The following PALD1 variants were observed in gnomAD, a reference collection of about 807,000 sequenced individuals.
PALD1 encodes the protein paladin.
PALD1 carries 57 observed loss-of-function variants against 96.0 expected under a neutral mutation model. That is an observed-to-expected ratio of 0.59 (90% CI 0.48 to 0.74). The LOEUF is 0.74. Among genes scored for constraint, PALD1 ranks in the 30% least tolerant of loss-of-function variants. The pLI, the probability that PALD1 is intolerant of heterozygous loss-of-function variation, is 0.00. For synonymous variants in PALD1, 464 were observed against 473.6 expected (o/e 0.98, Z 0.26); for missense variants, 1,063 against 1,143.7 (o/e 0.93, Z 1.02).
At chr10:70,551,046 C>T (rs1189417936) in intron 18 of PALD1, among the ~76,000 whole-genome samples, 1 of 152,144 alleles carries the variant, frequency 6.6e-6, no homozygotes, top group Non-Finnish European at 1.5e-5. Flanking sequence ...GGTTAACCAC[C>T]GTGAGTTGGT....
intron 1 of PALD1, among the ~76,000 whole-genome samples, chr10:70,498,640 G>A (rs563169202): frequency 5.7e-4 from 86 of 150,970 alleles, no homozygotes; most frequent in Middle Eastern, 3.4e-3. Flanking sequence ...GAAAGGTATC[G>A]CACAGACTGG....
At chr10:70,477,685 C>T (rs1482089289), upstream of PALD1, among the ~76,000 whole-genome samples, 2 of 152,182 alleles carry the variant, frequency 1.3e-5, no homozygotes, top group African/African-American at 4.8e-5. Context: ...TCTTAGGGGT[C>T]ATGGGGAATG....
chr10:70,463,804 T>C, the PALD1 span, among the ~76,000 whole-genome samples: 1 of 152,216 alleles, frequency 6.6e-6, no homozygotes, highest in South Asian at 2.1e-4. Context: ...GGAGGCGACA[T>C]TTAAGCAAAG....
At chr10:70,521,680 C>T (rs908285289) in intron 1 of PALD1, among the ~76,000 whole-genome samples, 7 of 128,924 alleles carry the variant, frequency 5.4e-5, no homozygotes, top group African/African-American at 8.4e-5. Context: ...TCCAGGAGCC[C>T]GCCACCATGC....
chr10:70,487,496 T>G (rs1309921142), intron 1 of PALD1, among the ~76,000 whole-genome samples: 1 of 151,986 alleles, frequency 6.6e-6, no homozygotes, highest in Non-Finnish European at 1.5e-5. Flanking sequence ...TTCAATGTTT[T>G]TTTTTTAAAC....
At chr10:70,537,112 CTTT>C (rs1056446962) in intron 10 of PALD1, among the ~76,000 whole-genome samples, 3 of 144,376 alleles carry the variant, frequency 2.1e-5, no homozygotes, top group African/African-American at 2.5e-5. Context: ...GGCTCCAGTT[CTTT>C]TTTTTTTTTT....
At chr10:70,480,382 C>CG (rs1039751858) in intron 1 of PALD1, among the ~76,000 whole-genome samples, 5 of 152,056 alleles carry the variant, frequency 3.3e-5, no homozygotes, top group South Asian at 2.1e-4. Context: ...GCCTCTGTCG[C>CG]GGGGGGTTGG....
In PALD1 at chr10:70,548,575, G is replaced by A. The variant is rs570249985; in HGVS notation, c.2262+1129G>A. Among the ~76,000 whole-genome samples, 38 of 152,318 alleles carry A rather than the reference G, an allele frequency of 2.5e-4. No individual in the cohort carries two copies. The East Asian group carries it at 2.7e-3, about 11-fold the overall frequency. ...AGGCCGGTGCTGAGTGGGAGGGGCAGTGGTGGGAGCCGGTGGGTAGGGGGT... is the reference window on the plus strand; with the variant it reads ...AGGCCGGTGCTGAGTGGGAGGGGCAATGGTGGGAGCCGGTGGGTAGGGGGT... On this transcript the variant is annotated intron_variant, in intron 18 of 19. Coordinates refer to ENST00000263563, the MANE Select transcript of PALD1 (RefSeq NM_014431.3).
At chr10:70,465,808 G>T in the PALD1 span, among the ~76,000 whole-genome samples, 1 of 152,182 alleles carries the variant, frequency 6.6e-6, no homozygotes, top group East Asian at 1.9e-4. Context: ...CAGGATGGAG[G>T]ACAGCAGGGA....
intron 18 of PALD1, among the ~76,000 whole-genome samples, chr10:70,558,199 T>C (rs1019913955): frequency 6.6e-6 from 1 of 152,050 alleles, no homozygotes; most frequent in Non-Finnish European, 1.5e-5. Flanking sequence ...TGTCTTCTCC[T>C]GAGCCTCAGC....
intron 2 of PALD1, among the ~76,000 whole-genome samples, chr10:70,526,516 CTG>C (rs1373105344): frequency 6.6e-6 from 1 of 152,224 alleles, no homozygotes; most frequent in Non-Finnish European, 1.5e-5. Flanking sequence ...TGGCTCAAAA[CTG>C]AGGCTAACAC....
rs542194809 is a variant in PALD1, at chr10:70,567,549, T to C, written c.*816T>C. On this transcript the variant is annotated 3_prime_UTR_variant, in exon 20 of 20. Coordinates refer to ENST00000263563, the MANE Select transcript of PALD1 (RefSeq NM_014431.3). ...GCCTGGAGCTGCAGGTCCCCCGGCA[T>C]CTCTCTCTGTCCCGGCAGCCCAGGA... 53 of 153,000 alleles carry C rather than the reference T, an allele frequency of 3.5e-4. No individual in the cohort carries two copies. The highest frequency in any genetic ancestry group is 5.9e-5 in the Non-Finnish European group (4 of 68,262). The allele number at this position is 153,000 out of a possible 1,614,324, so 9.5% of individuals were successfully genotyped here.
At chr10:70,464,018 C>T in the PALD1 span, among the ~76,000 whole-genome samples, 1 of 152,062 alleles carries the variant, frequency 6.6e-6, no homozygotes, top group African/African-American at 2.4e-5. Context: ...TTCACGCATG[C>T]GTTTGTCCAC....
rs376581675 is a variant in PALD1 at position 70,547,374 on chromosome 10, G to C, written c.2190G>C (p.Leu730=). 8.1e-6 allele frequency: 13 copies of C among 1,612,014 alleles called. No individual in the cohort carries two copies. The African/African-American group carries it at 1.7e-4, about 22-fold the overall frequency. The change falls in exon 18 of 20, where the codon CTG becomes CTC. Residue 730 remains leucine, a synonymous_variant. Transcript: ENST00000263563. Reference sequence around the variant, plus strand: ...TGAAGAAGGAGGTGGACGCAGCGCTGGACACTGTCAGCGAGACCATGACGC... The same window carrying C: ...TGAAGAAGGAGGTGGACGCAGCGCTCGACACTGTCAGCGAGACCATGACGC... ...HRVKKEVDAA[L]DTVSETMTPM...
At chr10:70,470,707 C>A in the PALD1 span, among the ~76,000 whole-genome samples, 1 of 151,520 alleles carries the variant, frequency 6.6e-6, no homozygotes, top group East Asian at 1.9e-4. Context: ...CTCCTGGGTT[C>A]AAGCGATTCT....
chr10:70,487,476 C>T (rs927948304), intron 1 of PALD1, among the ~76,000 whole-genome samples: 4 of 151,886 alleles, frequency 2.6e-5, no homozygotes, highest in African/African-American at 7.3e-5. Context: ...AACATTTCCC[C>T]CTGCCTATCT....
At chr10:70,462,458 A>G in the PALD1 span, among the ~76,000 whole-genome samples, 2 of 152,256 alleles carry the variant, frequency 1.3e-5, no homozygotes, top group Admixed American at 1.3e-4. Flanking sequence ...CCTGGCATGT[A>G]ATCAATGCTC....
At position 70,540,577 on chromosome 10, in the gene PALD1, G is replaced by A. The variant is rs1251975095; in HGVS notation, c.1909-525G>A. Among the ~76,000 whole-genome samples the A allele has an allele frequency of 1.3e-5, 2 of 152,074 alleles. No homozygotes were observed. The highest frequency in any genetic ancestry group is 2.9e-5 in the Non-Finnish European group (2 of 67,980). On this transcript the variant is annotated intron_variant, in intron 15 of 19. Transcript: ENST00000263563. The surrounding 1 kb of genome is among the most constrained non-coding windows in gnomAD (Gnocchi z 4.2). Reference sequence around the variant, plus strand: ...TGTTGTAGGTGGGTCGCTGTGTGCTGTGTAACTGGCAATGGGGTCTGTTAC... The same window carrying A: ...TGTTGTAGGTGGGTCGCTGTGTGCTATGTAACTGGCAATGGGGTCTGTTAC...
chr10:70,566,976 T>C lies in PALD1; in HGVS notation c.*243T>C, dbSNP rs1847868910. On this transcript the variant is annotated 3_prime_UTR_variant, in exon 20 of 20. Transcript: ENST00000263563. ...CTGACCTCCAGGGAGGAGCACTCAC[T>C]GGAGTGCTCACAAGGTGCACACTGC... is the stretch of plus-strand genomic sequence containing the variant. The C allele has an allele frequency of 1.9e-6, 1 of 513,798 alleles. No individual in the cohort carries two copies. Among genetic ancestry groups the C allele is most frequent in the Non-Finnish European group, 3.4e-6 (1 of 290,842 alleles). 31.8% of individuals were successfully genotyped at this position (513,798 alleles called of 1,614,324 possible). A position where few individuals can be genotyped will look rare whatever the true frequency, so the allele number is the denominator to read the frequency against.
Sources: allele counts gnomAD v4.1 joint callset (sites outside exome capture counted in the v4.1 genomes callset), GRCh38; gene constraint gnomAD v4.1.1; non-coding constraint Gnocchi (gnomAD v3.1); transcripts MANE v1.5; gene names NCBI Gene and HGNC (gene_info 2026-07-23, HGNC 2026-07-21).